GALNT9: variants seen among roughly 807,000 people sequenced by gnomAD.
The protein encoded by GALNT9 is polypeptide N-acetylgalactosaminyltransferase 9.
In GALNT9, 47 loss-of-function variants were observed where a neutral mutation model predicts 63.1. The observed-to-expected ratio is 0.75, with a 90% confidence interval of 0.59 to 0.95. The LOEUF is 0.95. Ranked by LOEUF, GALNT9 falls within the 40% of genes least tolerant of loss-of-function variation. The pLI, the probability that GALNT9 is intolerant of heterozygous loss-of-function variation, is 0.00. For missense variants in GALNT9, 829 were observed against 874.8 expected, an observed-to-expected ratio of 0.95 and a Z score of 0.66; for synonymous variants, 396 against 365.7, an observed-to-expected ratio of 1.08 and a Z score of -0.94.
At chr12:132,256,547 G>T (rs1337380693) in intron 5 of GALNT9, among the ~76,000 whole-genome samples, 1 of 148,110 alleles carries the variant, frequency 6.8e-6, no homozygotes, top group Non-Finnish European at 1.5e-5. Flanking sequence ...GTGGAATAGG[G>T]GGGACACTGG....
At position 132,262,582 on chromosome 12, in the gene GALNT9, C is replaced by G; in HGVS notation, c.463G>C (p.Val155Leu). The change falls in exon 3 of 11, where the codon GTG becomes CTG. Residue 155 changes from valine (V) to leucine (L), a missense_variant. Val to Leu is a conservative substitution (Grantham distance 32, BLOSUM62 1). Transcript: ENST00000328957. ...GCCTCATTGACGAAGATGAAGACCACGGAGACCTGGGGCAGGTCCTGGGCG... is the reference window on the plus strand; with the variant it reads ...GCCTCATTGACGAAGATGAAGACCAGGGAGACCTGGGGCAGGTCCTGGGCG... ...SYAQDLPQVS[V>L]VFIFVNEALS... is the part of the protein sequence containing the mutation. 1 of 1,551,356 alleles carries G rather than the reference C, an allele frequency of 6.4e-7. No individual in the cohort carries two copies. The highest frequency in any genetic ancestry group is 8.7e-7 in the Non-Finnish European group (1 of 1,146,830).
chr12:132,251,079 C>A (rs899939770), intron 5 of GALNT9, among the ~76,000 whole-genome samples: 14 of 152,236 alleles, frequency 9.2e-5, no homozygotes, highest in South Asian at 2.1e-4. Context: ...ATAACGCACA[C>A]TGAAACCTCG....
At chr12:132,323,872 T>C (rs1868913743) in intron 1 of GALNT9, among the ~76,000 whole-genome samples, 2 of 152,190 alleles carry the variant, frequency 1.3e-5, no homozygotes, top group African/African-American at 4.8e-5. Flanking sequence ...GCTGCCACTG[T>C]GGAAGCGAGA....
chr12:132,198,099 G>T (rs1565979450), intron 9 of GALNT9, 140 bp from the exon 10 acceptor site: 1 of 702,676 alleles, frequency 1.4e-6, no homozygotes, highest in Non-Finnish European at 2.3e-6. Flanking sequence ...CGGGGACGCT[G>T]TTGCGGGCGG....
At position 132,296,485 on chromosome 12, in the gene GALNT9, C is replaced by G. The variant is rs2135570946; in HGVS notation, c.239-10055G>C. Among the ~76,000 whole-genome samples, 1 of 152,358 alleles carries G rather than the reference C, an allele frequency of 6.6e-6. No homozygotes were observed. The highest frequency in any genetic ancestry group is 2.4e-5 in the African/African-American group (1 of 41,596). ...TGAAATCCCAGCTTCCTCCTCCAGACAGAATCAACACTGCAAGCTTGTCAT... is the reference window on the plus strand; with the variant it reads ...TGAAATCCCAGCTTCCTCCTCCAGAGAGAATCAACACTGCAAGCTTGTCAT... On this transcript the variant is annotated intron_variant, in intron 1 of 10. Transcript: ENST00000328957. This position sits in a 1 kb window ranked among gnomAD's most constrained non-coding sequence, Gnocchi z 4.2.
chr12:132,197,930 C>A lies in GALNT9; in HGVS notation c.1527G>T (p.Leu509=). The A allele has an allele frequency of 1.2e-6, 2 of 1,611,674 alleles. No individual in the cohort carries two copies. The highest frequency in any genetic ancestry group is 1.7e-6 in the Non-Finnish European group (2 of 1,179,460). ...CTGTGGAGCCCAGAGGCCCCAGCTGCAGCAGTCCATCAGCGCTGTACCGCA... is the reference window on the plus strand; with the variant it reads ...CTGTGGAGCCCAGAGGCCCCAGCTGAAGCAGTCCATCAGCGCTGTACCGCA... ...QLVRYSADGL[L]QLGPLGSTAF... is the part of the protein sequence containing the mutation. The change falls in exon 10 of 11, where the codon CTG becomes CTT. Residue 509 remains leucine, a synonymous_variant. Transcript: ENST00000328957.
chr12:132,306,143 T>TG (rs1160966745), intron 1 of GALNT9, among the ~76,000 whole-genome samples: 5 of 152,138 alleles, frequency 3.3e-5, no homozygotes, highest in Non-Finnish European at 7.4e-5. Context: ...AGAGCCCCCG[T>TG]GGGGGGCCTG....
At chr12:132,298,702 C>A (rs1555243494) in intron 1 of GALNT9, among the ~76,000 whole-genome samples, 1 of 150,678 alleles carries the variant, frequency 6.6e-6, no homozygotes, top group Admixed American at 6.6e-5. Context: ...CTGAGATAAC[C>A]AAGCCACTGC....
In GALNT9 at chr12:132,203,592, A is replaced by G. The variant is rs7486927; in HGVS notation, c.1176T>C (p.Tyr392=). ...RKPYNNDIDY[Y]AKRNALRAAE... ...CGGCGCGCAGGGCGTTGCGCTTGGC[A>G]TAGTAGTCAATGTCGTTGTTGTAGG... Residue 392 remains tyrosine (Y), a synonymous_variant, in exon 7 of 11, where the codon TAT becomes TAC. Coordinates refer to ENST00000328957, the MANE Select transcript of GALNT9 (RefSeq NM_001122636.2). The G allele has an allele frequency of 0.6, 968,779 of 1,613,680 alleles. 293,170 individuals are homozygous for G. Among genetic ancestry groups the G allele is most frequent in the African/African-American group, 0.64 (48,007 of 75,002 alleles).
intron 6 of GALNT9, among the ~76,000 whole-genome samples, chr12:132,215,015 G>A (rs1160060456): frequency 1.3e-5 from 2 of 152,250 alleles, no homozygotes; most frequent in Non-Finnish European, 1.5e-5. Context: ...GCCGGCCTCT[G>A]TAGCACCCTC....
At chr12:132,324,818 T>C (rs979148109) in intron 1 of GALNT9, among the ~76,000 whole-genome samples, 7 of 151,774 alleles carry the variant, frequency 4.6e-5, no homozygotes, top group Non-Finnish European at 1.0e-4. Context: ...CTCCTGGCAG[T>C]GTTTTGCGTC....
At chr12:132,207,986 C>T (rs1198223521) in intron 6 of GALNT9, among the ~76,000 whole-genome samples, 1 of 152,156 alleles carries the variant, frequency 6.6e-6, no homozygotes, top group Non-Finnish European at 1.5e-5. Context: ...CTCTTTTCTG[C>T]GTCAGAGTTA....
At chr12:132,243,363 T>G (rs1310792148) in intron 6 of GALNT9, among the ~76,000 whole-genome samples, 6 of 97,296 alleles carry the variant, frequency 6.2e-5, no homozygotes, top group Middle Eastern at 8.1e-3. Flanking sequence ...CCCAGTGGCC[T>G]CAGTGTCCAG....
rs1555238250 is a variant in GALNT9 at position 132,248,042 on chromosome 12, C to T, written c.960-15G>A. 1.3e-6 allele frequency: 2 copies of T among 1,544,520 alleles called. No homozygotes were observed. Among genetic ancestry groups the T allele is most frequent in the Non-Finnish European group, 1.7e-6 (2 of 1,143,184 alleles). On this transcript the variant is annotated splice_polypyrimidine_tract_variant and intron_variant, in intron 5 of 10. Coordinates refer to ENST00000328957, the MANE Select transcript of GALNT9 (RefSeq NM_001122636.2). ...TGGCTGGGGTCCTGGGAGGCAGAGACAGCGGCGTGAGGACCTCGCCATGCA... is the reference window on the plus strand; with the variant it reads ...TGGCTGGGGTCCTGGGAGGCAGAGATAGCGGCGTGAGGACCTCGCCATGCA...
chr12:132,260,910 C>A, intron 4 of GALNT9, 38 bp downstream of exon 4: 1 of 1,483,348 alleles, frequency 6.7e-7, no homozygotes, highest in Non-Finnish European at 8.9e-7. Flanking sequence ...GGAGGGGGAC[C>A]CGCTGAGACT....
intron 1 of GALNT9, among the ~76,000 whole-genome samples, chr12:132,300,547 T>C (rs544170887): frequency 1.5e-5 from 2 of 132,710 alleles, no homozygotes; most frequent in East Asian, 4.7e-4. Flanking sequence ...CTCACTCCCA[T>C]AACTCACCCA....
Position 132,286,285 on chromosome 12 carries a change from G to A in GALNT9, c.384C>T (p.Ser128=), listed in dbSNP as rs1555242172. ...GGTAGTCGGGGATGCTCCGATCGAG[G>A]GAGATGCGGTCGCTGAGCTGAGCGT... The part of the protein sequence containing the change: ...GYNAQLSDRI[S]LDRSIPDYRP... The change falls in exon 2 of 11, where the codon TCC becomes TCT. Residue 128 remains serine (S), a synonymous_variant. Transcript: ENST00000328957. This position sits in a 1 kb window ranked among gnomAD's most constrained non-coding sequence, Gnocchi z 7.4. 4 of 1,551,106 alleles carry A rather than the reference G, an allele frequency of 2.6e-6. No homozygotes were observed. Among genetic ancestry groups the A allele is most frequent in the East Asian group, 2.4e-5 (1 of 40,928 alleles).
At chr12:132,243,432 A>G (rs113388049) in intron 6 of GALNT9, among the ~76,000 whole-genome samples, 2 of 148,286 alleles carry the variant, frequency 1.3e-5, no homozygotes, top group Admixed American at 6.7e-5. Flanking sequence ...CGTCTTCCGG[A>G]GCTCTCTCTC....
Position 132,286,135 on chromosome 12 carries a change from G to T in GALNT9, c.419+115C>A. ...GGGGGCGGTCACTTCCCTGGCGGGC[G>T]TGGGGGCCGCTCACTTCCCCGGCCG... On this transcript the variant is annotated intron_variant, in intron 2 of 10. Transcript: ENST00000328957. This position sits in a 1 kb window ranked among gnomAD's most constrained non-coding sequence, Gnocchi z 7.4. 2.4e-6 allele frequency: 3 copies of T among 1,272,902 alleles called. No homozygotes were observed. Among genetic ancestry groups the T allele is most frequent in the Non-Finnish European group, 1.0e-6 (1 of 960,088 alleles). 78.9% of individuals were successfully genotyped at this position (1,272,902 alleles called of 1,614,324 possible). A position where few individuals can be genotyped will look rare whatever the true frequency, so the allele number is the denominator to read the frequency against.
Sources: gnomAD v4.1 joint callset for allele counts (sites outside exome capture counted in the v4.1 genomes callset) on GRCh38, gnomAD v4.1.1 for gene constraint, Gnocchi (gnomAD v3.1) non-coding constraint, MANE v1.5 for transcripts, NCBI Gene and HGNC (gene_info 2026-07-23, HGNC 2026-07-21) for gene names.